The following JPH1 variants were observed in gnomAD, a reference collection of about 807,000 sequenced individuals.
JPH1 encodes junctophilin 1.
In JPH1, 12 loss-of-function variants were observed where a neutral mutation model predicts 53.6. That is an observed-to-expected ratio of 0.22 (90% CI 0.14 to 0.36). JPH1 has a LOEUF of 0.36. Among genes scored for constraint, JPH1 ranks in the 10% least tolerant of loss-of-function variants. The pLI, the probability that JPH1 is intolerant of heterozygous loss-of-function variation, is 1.00. For synonymous variants in JPH1, 375 were observed against 363.8 expected, an observed-to-expected ratio of 1.03 and a Z score of -0.35; for missense variants, 808 against 905.5, an observed-to-expected ratio of 0.89 and a Z score of 1.38.
intron 2 of JPH1, among the ~76,000 whole-genome samples, chr8:74,275,443 G>C (rs1280023171): frequency 6.6e-6 from 1 of 152,142 alleles, no homozygotes. Context: ...GCGAATTCCA[G>C]ATTTCAATAA....
At chr8:74,274,823 T>C (rs1468208886) in intron 2 of JPH1, among the ~76,000 whole-genome samples, 1 of 152,204 alleles carries the variant, frequency 6.6e-6, no homozygotes, top group Non-Finnish European at 1.5e-5. Flanking sequence ...TCTAGGACTT[T>C]TGCCTAAAGA....
intron 2 of JPH1, among the ~76,000 whole-genome samples, chr8:74,262,523 A>G (rs1328696591): frequency 1.3e-5 from 2 of 152,350 alleles, no homozygotes; most frequent in East Asian, 3.9e-4. Flanking sequence ...ACGTGCCCCA[A>G]AAGCATTTCA....
chr8:74,310,044 G>A (rs976239051), intron 2 of JPH1, among the ~76,000 whole-genome samples: 3 of 152,162 alleles, frequency 2.0e-5, no homozygotes, highest in African/African-American at 2.4e-5. Context: ...GGTTGGCCAA[G>A]TTACCATCAA....
intron 2 of JPH1, among the ~76,000 whole-genome samples, chr8:74,279,984 T>G (rs1158553704): frequency 6.6e-6 from 1 of 152,176 alleles, no homozygotes; most frequent in Non-Finnish European, 1.5e-5. Context: ...CATATTAAAT[T>G]TGAATTTTTT....
At position 74,236,657 on chromosome 8, in the gene JPH1, C is replaced by CA. The variant is rs528814320; in HGVS notation, c.*393dup. 72,602 of 139,368 alleles carry CA rather than the reference C, an allele frequency of 0.52. 20,205 individuals carry two copies. The highest frequency in any genetic ancestry group is 0.63 in the Non-Finnish European group (40,516 of 64,718). 8.6% of individuals were successfully genotyped at this position (139,368 alleles called of 1,614,324 possible). A position where few individuals can be genotyped will look rare whatever the true frequency, so the allele number is the denominator to read the frequency against. On this transcript the variant is annotated 3_prime_UTR_variant, in exon 6 of 6. Coordinates refer to ENST00000342232, the MANE Select transcript of JPH1 (RefSeq NM_020647.4). ...TAGTAAGGCAGCTGTTGACTTCCAT[C>CA]AAAAAAAAAAAAAAAATGCAGCTCC...
chr8:74,271,032 A>C (rs1261290861), intron 2 of JPH1, among the ~76,000 whole-genome samples: 1 of 152,052 alleles, frequency 6.6e-6, no homozygotes, highest in Non-Finnish European at 1.5e-5. Context: ...ACTACTCCTC[A>C]CCAATCCGAG....
chr8:74,239,298 G>A (rs927778500), intron 4 of JPH1, among the ~76,000 whole-genome samples: 28 of 151,990 alleles, frequency 1.8e-4, no homozygotes, highest in African/African-American at 6.8e-4. Context: ...ATTGGAACTC[G>A]AATTAAGCTT....
chr8:74,255,427 G>A (rs202145698), intron 3 of JPH1, among the ~76,000 whole-genome samples: 4 of 151,980 alleles, frequency 2.6e-5, no homozygotes, highest in South Asian at 2.1e-4. Context: ...TGTTAGACCT[G>A]AAACCATAAA....
At position 74,234,843 on chromosome 8, in the gene JPH1, G is replaced by T. The variant is rs1248623464; in HGVS notation, c.*2208C>A. 1 of 152,554 alleles carries T rather than the reference G, an allele frequency of 6.6e-6. No homozygotes were observed. The highest frequency in any genetic ancestry group is 1.5e-5 in the Non-Finnish European group (1 of 68,022). 9.5% of individuals were successfully genotyped at this position (152,554 alleles called of 1,614,324 possible). On this transcript the variant is annotated 3_prime_UTR_variant, in exon 6 of 6. Coordinates refer to ENST00000342232, the MANE Select transcript of JPH1 (RefSeq NM_020647.4). ...CAGCAAGAAACTTTAAATAAACAAAGTCATGTTTTATTAAGTACATTGGCA... is the reference window on the plus strand; with the variant it reads ...CAGCAAGAAACTTTAAATAAACAAATTCATGTTTTATTAAGTACATTGGCA...
At chr8:74,303,499 C>T (rs1174574695) in intron 2 of JPH1, among the ~76,000 whole-genome samples, 5 of 152,194 alleles carry the variant, frequency 3.3e-5, no homozygotes, top group African/African-American at 9.7e-5. Context: ...GGGAGGCTCT[C>T]ATTCAATCAT....
rs561656925 is a variant in JPH1 at position 74,280,881 on chromosome 8, G to A, written c.1140-21378C>T. Among the ~76,000 whole-genome samples the A allele has an allele frequency of 5.3e-5, 8 of 152,234 alleles. No individual in the cohort carries two copies. In the South Asian group the frequency reaches 1.7e-3, roughly 32 times the overall value. On this transcript the variant is annotated intron_variant, in intron 2 of 5. Coordinates refer to ENST00000342232, the MANE Select transcript of JPH1 (RefSeq NM_020647.4). ...AAGCACTTTATGAACAAATCATTAT[G>A]CTGGACTCTCACAACAGTTCTGCAA...
intron 5 of JPH1, 78 bp from the exon 6 acceptor site, chr8:74,237,113 G>A: frequency 2.6e-6 from 2 of 766,642 alleles, no homozygotes; most frequent in South Asian, 1.8e-5. Context: ...TAAAGTGAAG[G>A]ACAATACGTC....
intron 2 of JPH1, among the ~76,000 whole-genome samples, chr8:74,286,414 A>G (rs901739022): frequency 1.3e-5 from 2 of 152,214 alleles, no homozygotes; most frequent in Admixed American, 1.3e-4. Flanking sequence ...ATCATTTCTT[A>G]GTGGTGATAA....
At chr8:74,264,539 C>T (rs1182099195) in intron 2 of JPH1, among the ~76,000 whole-genome samples, 1 of 152,088 alleles carries the variant, frequency 6.6e-6, no homozygotes, top group South Asian at 2.1e-4. Flanking sequence ...TATTATGCCC[C>T]GTGTTACACT....
chr8:74,287,343 G>A (rs796304166), intron 2 of JPH1, among the ~76,000 whole-genome samples: 4 of 151,794 alleles, frequency 2.6e-5, no homozygotes, highest in East Asian at 1.9e-4. Context: ...CACGAGAATC[G>A]CGTGAACCTG....
At chr8:74,283,763 C>G (rs1807079622) in intron 2 of JPH1, among the ~76,000 whole-genome samples, 1 of 152,194 alleles carries the variant, frequency 6.6e-6, no homozygotes, top group African/African-American at 2.4e-5. Context: ...CAGATTGCAG[C>G]TTGAATACTA....
Position 74,315,635 on chromosome 8 carries a change from A to G in JPH1, c.380-15T>C. The G allele has an allele frequency of 6.3e-7, 1 of 1,578,998 alleles. No homozygotes were observed. On this transcript the variant is annotated splice_polypyrimidine_tract_variant and intron_variant, in intron 1 of 5. Coordinates refer to ENST00000342232, the MANE Select transcript of JPH1 (RefSeq NM_020647.4). The surrounding 1 kb of genome is among the most constrained non-coding windows in gnomAD (Gnocchi z 6.3). ...CTGGTAGGTACCTTGGAGAGACCGCAAGAAAGCACCGTGAGTCGGGGGCAG... is the reference window on the plus strand; with the variant it reads ...CTGGTAGGTACCTTGGAGAGACCGCGAGAAAGCACCGTGAGTCGGGGGCAG...
rs755092708 is a variant in JPH1, at chr8:74,237,331, A to G, written c.1906-28T>C. 7 of 1,533,764 alleles carry G rather than the reference A, an allele frequency of 4.6e-6. No homozygotes were observed. The African/African-American group carries it at 8.2e-5, about 18-fold the overall frequency. On this transcript the variant is annotated intron_variant, in intron 4 of 5. Transcript: ENST00000342232. ...GAAAATGAAAGAGAACAAAGTAACT[A>G]TAACTTCTCCATGTTAATATCAAGA... is the stretch of plus-strand genomic sequence containing the variant.
At position 74,315,461 on chromosome 8, in the gene JPH1, G is replaced by T; in HGVS notation, c.539C>A (p.Ala180Glu). Residue 180 changes from alanine to glutamate, a missense_variant, in exon 2 of 6, where the codon GCA becomes GAA. Ala to Glu is a moderately radical substitution (Grantham distance 107). Around this residue, in one of 2 missense-constraint regions of JPH1, gnomAD observed 756 missense variants for 811.9 expected, o/e 0.93. Coordinates refer to ENST00000342232, the MANE Select transcript of JPH1 (RefSeq NM_020647.4). The surrounding 1 kb of genome is among the most constrained non-coding windows in gnomAD (Gnocchi z 6.3). ...QSNGSVLHDA[A>E]AAADSPAGTR... ...GCCGGCCGGGCTGTCGGCGGCGGCT[G>T]CGGCGTCGTGGAGCACGCTGCCATT... 6.2e-7 allele frequency: 1 copy of T among 1,608,420 alleles called. No homozygotes were observed. The highest frequency in any genetic ancestry group is 8.5e-7 in the Non-Finnish European group (1 of 1,177,996).
Sources: allele counts gnomAD v4.1 joint callset (sites outside exome capture counted in the v4.1 genomes callset), GRCh38; gene constraint gnomAD v4.1.1; regional missense constraint gnomAD v4.1.1; non-coding constraint Gnocchi (gnomAD v3.1); transcripts MANE v1.5; gene names NCBI Gene and HGNC (gene_info 2026-07-23, HGNC 2026-07-21).